Variants in VPS54 observed in about 807,000 individuals in gnomAD.
VPS54 encodes VPS54 subunit of GARP complex.
Under a neutral mutation model 121.5 loss-of-function variants are expected in VPS54, and 45 were observed. That is an observed-to-expected ratio of 0.37 (90% CI 0.29 to 0.47). The LOEUF is 0.47. Ranked by LOEUF, VPS54 falls within the 20% of genes least tolerant of loss-of-function variation. The pLI, the probability that VPS54 is intolerant of heterozygous loss-of-function variation, is 0.99. For missense variants in VPS54, 1,090 were observed against 1,131.4 expected (o/e 0.96, Z 0.52); for synonymous variants, 371 against 385.8 (o/e 0.96, Z 0.45).
At chr2:63,960,707 C>G (rs1375078499) in intron 7 of VPS54, among the ~76,000 whole-genome samples, 1 of 152,040 alleles carries the variant, frequency 6.6e-6, no homozygotes, top group Non-Finnish European at 1.5e-5. Flanking sequence ...TTCTCTAAGG[C>G]AATGACAAAA....
At chr2:63,952,768 C>T (rs1377803507) in intron 7 of VPS54, among the ~76,000 whole-genome samples, 1 of 152,146 alleles carries the variant, frequency 6.6e-6, no homozygotes, top group Non-Finnish European at 1.5e-5. Flanking sequence ...TCCACCAGTA[C>T]AAACTAAAAC....
chr2:64,004,777 CATA>C (rs1678047331), intron 1 of VPS54, among the ~76,000 whole-genome samples: 3 of 152,064 alleles, frequency 2.0e-5, no homozygotes, highest in African/African-American at 7.2e-5. Context: ...TAAATTATAA[CATA>C]GTATTATTTC....
chr2:63,944,562 TCTGA>T lies in VPS54; in HGVS notation c.1301+34_1301+37del, dbSNP rs779277398. The T allele has an allele frequency of 8.4e-5, 129 of 1,539,686 alleles. 1 individual carries two copies. The highest frequency in any genetic ancestry group is 3.4e-4 in the Middle Eastern group (2 of 5,946). Reference sequence around the variant, plus strand: ...TCTAATTTACATCTATCATCTTTTCTCTGACTGATAACCACCAACCTATATATTT... The same window carrying T: ...TCTAATTTACATCTATCATCTTTTCTCTGATAACCACCAACCTATATATTT... On this transcript the variant is annotated intron_variant, in intron 10 of 22. Coordinates refer to ENST00000272322, the MANE Select transcript of VPS54 (RefSeq NM_016516.3).
At chr2:64,000,635 T>C (rs991096923) in intron 1 of VPS54, among the ~76,000 whole-genome samples, 2 of 152,262 alleles carry the variant, frequency 1.3e-5, no homozygotes, top group African/African-American at 4.8e-5. Context: ...TGCAGACTTG[T>C]AGAGGTACCA....
chr2:63,928,045 CCT>C (rs970664991), intron 12 of VPS54, among the ~76,000 whole-genome samples: 10 of 152,154 alleles, frequency 6.6e-5, no homozygotes, highest in African/African-American at 2.2e-4. Flanking sequence ...GATTGGTGTA[CCT>C]GAAAGTGATG....
chr2:63,978,765 G>A (rs902270783), intron 3 of VPS54, among the ~76,000 whole-genome samples: 21 of 151,768 alleles, frequency 1.4e-4, no homozygotes, highest in South Asian at 8.3e-4. Context: ...GACTACAGGC[G>A]CGCACCACCA....
chr2:63,991,508 T>C (rs906174609), intron 1 of VPS54, among the ~76,000 whole-genome samples: 1 of 152,206 alleles, frequency 6.6e-6, no homozygotes, highest in African/African-American at 2.4e-5. Context: ...CTAATTCTTT[T>C]CTTGGAGCCT....
At chr2:63,937,036 A>G (rs1464049448) in intron 11 of VPS54, among the ~76,000 whole-genome samples, 3 of 152,210 alleles carry the variant, frequency 2.0e-5, no homozygotes, top group Non-Finnish European at 4.4e-5. Context: ...CTCTAAAAAT[A>G]TAAAATTCTT....
At chr2:63,930,178 C>T (rs1256385974) in intron 12 of VPS54, among the ~76,000 whole-genome samples, 2 of 152,102 alleles carry the variant, frequency 1.3e-5, no homozygotes, top group Non-Finnish European at 2.9e-5. Flanking sequence ...CCAGCATTAT[C>T]CTGATACCAA....
At position 64,013,345 on chromosome 2, in the gene VPS54, T is replaced by C. The variant is rs536175735; in HGVS notation, c.-21+5593A>G. Among the ~76,000 whole-genome samples the C allele has an allele frequency of 1.2e-4, 18 of 152,092 alleles. No homozygotes were observed. The South Asian group carries it at 2.1e-3, about 18-fold the overall frequency. ...AGGACATATGGTCTCTACTTCTCAA[T>C]GGATAAACCTAAAGAAGAGAGGAAG... On this transcript the variant is annotated intron_variant, in intron 1 of 22. Transcript: ENST00000272322.
At chr2:63,984,698 T>C (rs1676960187) in intron 1 of VPS54, among the ~76,000 whole-genome samples, 1 of 152,166 alleles carries the variant, frequency 6.6e-6, no homozygotes, top group Non-Finnish European at 1.5e-5. Context: ...TATTAAGTAA[T>C]TAAAACAAAT....
At chr2:64,014,539 T>C (rs1299099967) in intron 1 of VPS54, among the ~76,000 whole-genome samples, 2 of 152,234 alleles carry the variant, frequency 1.3e-5, no homozygotes, top group Non-Finnish European at 2.9e-5. Context: ...GATATACTAG[T>C]TATTTTACTA....
chr2:64,014,796 T>C (rs921597768), intron 1 of VPS54, among the ~76,000 whole-genome samples: 2 of 152,226 alleles, frequency 1.3e-5, no homozygotes, highest in Non-Finnish European at 2.9e-5. Flanking sequence ...ACTACCCCTA[T>C]TTTATAGATG....
intron 1 of VPS54, among the ~76,000 whole-genome samples, chr2:63,985,923 T>C (rs925266541): frequency 3.3e-5 from 5 of 152,188 alleles, no homozygotes; most frequent in African/African-American, 9.7e-5. Context: ...TGTATCTTTA[T>C]CTAAAGGATA....
chr2:63,976,733 T>C (rs1676548675), intron 3 of VPS54, among the ~76,000 whole-genome samples: 1 of 152,090 alleles, frequency 6.6e-6, no homozygotes, highest in Non-Finnish European at 1.5e-5. Flanking sequence ...CATAGAACTG[T>C]TCACAATATT....
chr2:63,971,700 T>G (rs150019856), intron 4 of VPS54, among the ~76,000 whole-genome samples: 1 of 152,240 alleles, frequency 6.6e-6, no homozygotes, highest in Non-Finnish European at 1.5e-5. Flanking sequence ...CTCTTTAATA[T>G]ACAGTGATAC....
intron 2 of VPS54, among the ~76,000 whole-genome samples, chr2:63,982,582 CATT>C (rs1407244259): frequency 2.6e-5 from 4 of 152,160 alleles, no homozygotes; most frequent in Non-Finnish European, 5.9e-5. Flanking sequence ...CAGTATACAT[CATT>C]GATTCACTAA....
chr2:63,944,124 G>A (rs1274280728), intron 10 of VPS54, among the ~76,000 whole-genome samples: 1 of 151,974 alleles, frequency 6.6e-6, no homozygotes, highest in Non-Finnish European at 1.5e-5. Context: ...CCAATTAAAA[G>A]TTGATTTTAA....
chr2:64,012,903 A>G (rs1045654157), intron 1 of VPS54, among the ~76,000 whole-genome samples: 1 of 152,170 alleles, frequency 6.6e-6, no homozygotes, highest in Non-Finnish European at 1.5e-5. Context: ...CGTGGCCTAT[A>G]TTCAGAATTT....
Sources: gnomAD v4.1 joint callset for allele counts (sites outside exome capture counted in the v4.1 genomes callset) on GRCh38, gnomAD v4.1.1 for gene constraint, MANE v1.5 for transcripts, NCBI Gene and HGNC (gene_info 2026-07-23, HGNC 2026-07-21) for gene names.